NT5DC1: variants seen among roughly 807,000 people sequenced by gnomAD.
NT5DC1 encodes the protein 5'-nucleotidase domain-containing protein 1.
NT5DC1 carries 42 observed loss-of-function variants against 59.4 expected under a neutral mutation model. The ratio of observed to expected loss-of-function variants is 0.71; its 90% CI spans 0.55 to 0.92. The LOEUF is 0.92. Among genes scored for constraint, NT5DC1 ranks in the 40% least tolerant of loss-of-function variants. The probability of loss-of-function intolerance (pLI) is 0.00; values close to 1 mark genes in which losing one functional copy is unlikely to be tolerated. For synonymous variants in NT5DC1, 172 were observed against 188.1 expected, an observed-to-expected ratio of 0.91 and a Z score of 0.70; for missense variants, 501 against 537.1, an observed-to-expected ratio of 0.93 and a Z score of 0.66.
chr6:116,197,232 T>G (rs1183080303), intron 6 of NT5DC1, among the ~76,000 whole-genome samples: 1 of 151,982 alleles, frequency 6.6e-6, no homozygotes, highest in African/African-American at 2.4e-5. Context: ...CTTTGCCTGG[T>G]TAATGATGTC....
chr6:116,140,051 C>T (rs1391148692), intron 6 of NT5DC1, among the ~76,000 whole-genome samples: 1 of 152,060 alleles, frequency 6.6e-6, no homozygotes, highest in African/African-American at 2.4e-5. Flanking sequence ...GAAACTGAAG[C>T]CCAAGGTGTT....
chr6:116,136,780 C>T (rs936022631), intron 6 of NT5DC1, among the ~76,000 whole-genome samples: 1 of 152,256 alleles, frequency 6.6e-6, no homozygotes, highest in Admixed American at 6.5e-5. Context: ...TTAGTTCCAA[C>T]GGTTTGGAAT....
intron 8 of NT5DC1, among the ~76,000 whole-genome samples, chr6:116,236,047 T>C (rs915925324): frequency 1.3e-5 from 2 of 152,300 alleles, no homozygotes; most frequent in African/African-American, 4.8e-5. Flanking sequence ...AACCTCTGTA[T>C]CCAGCATAGG....
rs145972544 is a variant in NT5DC1 at position 116,238,283 on chromosome 6, G to A, written c.1018G>A (p.Asp340Asn). The change falls in exon 10 of 12, where the codon GAT (aspartate) becomes AAT (asparagine). Residue 340 changes from aspartate to asparagine, a missense_variant. Asp to Asn is a conservative substitution (Grantham distance 23, BLOSUM62 1). Transcript: ENST00000319550. ...TVLILEELRGDEGTRSQRPEE... is the reference protein window; with the variant it reads ...TVLILEELRGNEGTRSQRPEE... ...CCTCATCCTGGAAGAACTCAGAGGG[G>A]ATGAAGGCACGAGGAGTCAGAGGCC... 1 of 1,613,278 alleles carries A rather than the reference G, an allele frequency of 6.2e-7. No homozygotes were observed. The highest frequency in any genetic ancestry group is 1.3e-5 in the African/African-American group (1 of 74,858).
At chr6:116,178,086 TGTGCGCGCGCGCGCGCGTGCGTGC>T (rs1780783958) in intron 6 of NT5DC1, among the ~76,000 whole-genome samples, 5 of 77,552 alleles carry the variant, frequency 6.4e-5, no homozygotes, top group African/African-American at 1.8e-4. Flanking sequence ...TGTGTGTGTG[TGTGCGCGCGCGCGCGCGTGCGTGC>T]GTGTGTGTGT....
At chr6:116,125,658 A>AT (rs1330668143) in intron 6 of NT5DC1, 2 of 627,994 alleles carry the variant, frequency 3.2e-6, no homozygotes, top group Non-Finnish European at 5.3e-6. Context: ...ATGAGAGATC[A>AT]TTTTTTAGTT....
At chr6:116,172,317 CTT>C (rs71554843) in intron 6 of NT5DC1, among the ~76,000 whole-genome samples, 2,762 of 107,906 alleles carry the variant, frequency 0.026, 44 homozygotes, top group African/African-American at 0.093. Context: ...CCCTTAGTAA[CTT>C]TTTTTTTTTT....
chr6:116,127,763 C>G (rs1180052796), intron 6 of NT5DC1, among the ~76,000 whole-genome samples: 1 of 152,044 alleles, frequency 6.6e-6, no homozygotes, highest in Non-Finnish European at 1.5e-5. Flanking sequence ...ACACATACTG[C>G]TATTTGCTTA....
chr6:116,172,992 A>G (rs1415715041), intron 6 of NT5DC1, among the ~76,000 whole-genome samples: 1 of 152,200 alleles, frequency 6.6e-6, no homozygotes, highest in African/African-American at 2.4e-5. Context: ...TAATTTTTTT[A>G]CATAAGAAAT....
At chr6:116,152,491 G>A (rs755535160) in intron 6 of NT5DC1, among the ~76,000 whole-genome samples, 5 of 152,082 alleles carry the variant, frequency 3.3e-5, no homozygotes, top group Admixed American at 1.3e-4. Flanking sequence ...CTACCCCACC[G>A]TGCCAGAGAA....
intron 6 of NT5DC1, among the ~76,000 whole-genome samples, chr6:116,169,518 A>G (rs1780559494): frequency 6.6e-6 from 1 of 152,240 alleles, no homozygotes; most frequent in Admixed American, 6.5e-5. Flanking sequence ...GTAGGAAAAT[A>G]TATATCTTAA....
intron 1 of NT5DC1, among the ~76,000 whole-genome samples, chr6:116,101,796 T>A (rs1338160058): frequency 1.3e-5 from 2 of 152,174 alleles, no homozygotes; most frequent in Non-Finnish European, 1.5e-5. Context: ...GGTTTCCCAA[T>A]TCCCAAGGAA....
At chr6:116,156,426 C>A (rs540400463) in intron 6 of NT5DC1, among the ~76,000 whole-genome samples, 1 of 152,148 alleles carries the variant, frequency 6.6e-6, no homozygotes, top group African/African-American at 2.4e-5. Flanking sequence ...GTTCCATTAT[C>A]TTTGCTTTCA....
At chr6:116,227,776 A>G (rs1426800676) in intron 8 of NT5DC1, among the ~76,000 whole-genome samples, 1 of 152,172 alleles carries the variant, frequency 6.6e-6, no homozygotes, top group Admixed American at 6.5e-5. Flanking sequence ...AGAAATGTCT[A>G]TTCAGGTCCT....
At chr6:116,159,578 G>A (rs1310209609) in intron 6 of NT5DC1, among the ~76,000 whole-genome samples, 1 of 152,194 alleles carries the variant, frequency 6.6e-6, no homozygotes, top group East Asian at 1.9e-4. Flanking sequence ...GCTATAGCCT[G>A]TAATTTTCTT....
At chr6:116,123,635 A>C (rs1779204254) in intron 6 of NT5DC1, among the ~76,000 whole-genome samples, 1 of 152,196 alleles carries the variant, frequency 6.6e-6, no homozygotes, top group African/African-American at 2.4e-5. Context: ...TCCTGTTTCA[A>C]CTTAATGTCT....
At chr6:116,168,529 T>G (rs1203344687) in intron 6 of NT5DC1, among the ~76,000 whole-genome samples, 1 of 152,164 alleles carries the variant, frequency 6.6e-6, no homozygotes, top group South Asian at 2.1e-4. Context: ...AAGTCTGTCT[T>G]TATACCATAG....
At chr6:116,234,114 C>T (rs889607337) in intron 8 of NT5DC1, among the ~76,000 whole-genome samples, 3 of 151,684 alleles carry the variant, frequency 2.0e-5, no homozygotes, top group Non-Finnish European at 2.9e-5. Flanking sequence ...GCACGCACCA[C>T]CATGCCCGGC....
At chr6:116,199,450 T>C (rs781433937) in intron 6 of NT5DC1, among the ~76,000 whole-genome samples, 1 of 152,106 alleles carries the variant, frequency 6.6e-6, no homozygotes, top group Non-Finnish European at 1.5e-5. Context: ...AGCCTTAGTT[T>C]ACCTATCTGT....
Sources: allele counts gnomAD v4.1 joint callset (sites outside exome capture counted in the v4.1 genomes callset), GRCh38; gene constraint gnomAD v4.1.1; transcripts MANE v1.5; gene names NCBI Gene and HGNC (gene_info 2026-07-23, HGNC 2026-07-21).